The following BCAT1 variants were observed in gnomAD, a reference collection of about 807,000 sequenced individuals.
BCAT1 encodes the protein branched chain amino acid transaminase 1, also known as branched-chain-amino-acid aminotransferase, cytosolic.
Under a neutral mutation model 52.4 loss-of-function variants are expected in BCAT1, and 48 were observed. The ratio of observed to expected loss-of-function variants is 0.92; its 90% confidence interval spans 0.73 to 1.16. BCAT1 has a LOEUF of 1.16. Ranked by LOEUF, BCAT1 falls within the 50% of genes most tolerant of loss-of-function variation. BCAT1 has a pLI of 0.00. For synonymous variants in BCAT1, 167 were observed against 161.3 expected (o/e 1.04, Z -0.27); for missense variants, 451 against 457.1 (o/e 0.99, Z 0.12).
chr12:24,855,726 C>A lies in BCAT1; in HGVS notation c.511-5777G>T, dbSNP rs920783388. Among the ~76,000 whole-genome samples the A allele has an allele frequency of 2.0e-5, 3 of 152,152 alleles. No individual in the cohort carries two copies. The South Asian group carries it at 6.2e-4, about 32-fold the overall frequency. On this transcript the variant is annotated intron_variant, in intron 5 of 10. Coordinates refer to ENST00000261192, the MANE Select transcript of BCAT1 (RefSeq NM_005504.7). ...CTTTCTGAGAAGTCTGGAGGAAGTCCGCCCATGGGCCAGACCTAACATTCC... is the reference window on the plus strand; with the variant it reads ...CTTTCTGAGAAGTCTGGAGGAAGTCAGCCCATGGGCCAGACCTAACATTCC...
intron 1 of BCAT1, among the ~76,000 whole-genome samples, chr12:24,921,950 G>A (rs1399356021): frequency 2.0e-5 from 3 of 152,070 alleles, no homozygotes; most frequent in Admixed American, 1.3e-4. Context: ...GGACTTCGTC[G>A]TTAGATAAGA....
intron 1 of BCAT1, among the ~76,000 whole-genome samples, chr12:24,923,493 C>A (rs1943531797): frequency 1.3e-5 from 2 of 152,186 alleles, no homozygotes; most frequent in Non-Finnish European, 2.9e-5. Context: ...CAGATCACTG[C>A]AACCTCTGCC....
chr12:24,820,829 T>G (rs200512802), intron 10 of BCAT1, among the ~76,000 whole-genome samples: 1 of 147,496 alleles, frequency 6.8e-6, no homozygotes, highest in Admixed American at 6.8e-5. Context: ...TTCATACGGC[T>G]TTGCTAAATG....
At chr12:24,946,878 AAAGC>A (rs1210200644) in intron 1 of BCAT1, among the ~76,000 whole-genome samples, 1 of 152,220 alleles carries the variant, frequency 6.6e-6, no homozygotes, top group East Asian at 1.9e-4. Context: ...AATGAGCTGA[AAAGC>A]AAGAGAAATT....
In BCAT1 at chr12:24,810,036, C is replaced by A. The variant is rs923956280; in HGVS notation, c.*7972G>T. On this transcript the variant is annotated 3_prime_UTR_variant, in exon 11 of 11. Coordinates refer to ENST00000261192, the MANE Select transcript of BCAT1 (RefSeq NM_005504.7). ...AACAGTCAACATGAATCTTCCAACT[C>A]AATTTATTTGTTTCAGCTCACGAAC... 1 of 152,196 alleles carries A rather than the reference C, an allele frequency of 6.6e-6. No individual in the cohort carries two copies. The highest frequency in any genetic ancestry group is 1.5e-5 in the Non-Finnish European group (1 of 68,044). The allele number at this position is 152,196 out of a possible 1,614,324, so 9.4% of individuals were successfully genotyped here.
intron 5 of BCAT1, among the ~76,000 whole-genome samples, chr12:24,866,428 C>T (rs1942012705): frequency 2.0e-5 from 3 of 152,192 alleles, no homozygotes; most frequent in Admixed American, 1.3e-4. Flanking sequence ...CTGACGAGTG[C>T]CACCCCCACT....
At chr12:24,930,542 G>A (rs1390743441) in intron 1 of BCAT1, among the ~76,000 whole-genome samples, 2 of 152,184 alleles carry the variant, frequency 1.3e-5, no homozygotes, top group African/African-American at 2.4e-5. Context: ...CACAAGTCAA[G>A]TGTTCGCAAG....
intron 1 of BCAT1, among the ~76,000 whole-genome samples, chr12:24,943,862 T>C (rs1045448413): frequency 3.3e-5 from 5 of 151,914 alleles, no homozygotes; most frequent in Non-Finnish European, 7.4e-5. Flanking sequence ...CGGGCGCCTG[T>C]AGTCCCAGCT....
intron 3 of BCAT1, among the ~76,000 whole-genome samples, chr12:24,885,033 G>A (rs187302111): frequency 1.3e-5 from 2 of 152,058 alleles, no homozygotes; most frequent in Non-Finnish European, 2.9e-5. Context: ...TGGGAACATC[G>A]CAAATTGCCT....
At chr12:24,902,066 C>G (rs989081574) in intron 1 of BCAT1, 181 bp from the exon 2 acceptor site, 20 of 1,524,140 alleles carry the variant, frequency 1.3e-5, no homozygotes, top group Non-Finnish European at 1.8e-5. Context: ...GTCTTGGGAG[C>G]GCTGCCCTGC....
chr12:24,895,809 T>G (rs1248575834), intron 2 of BCAT1, among the ~76,000 whole-genome samples: 1 of 152,200 alleles, frequency 6.6e-6, no homozygotes, highest in Non-Finnish European at 1.5e-5. Flanking sequence ...TGATATATTA[T>G]GAATGATAGT....
chr12:24,919,602 T>G (rs1170673295), intron 1 of BCAT1, among the ~76,000 whole-genome samples: 3 of 152,236 alleles, frequency 2.0e-5, no homozygotes, highest in African/African-American at 7.2e-5. Context: ...GTTATCAAGC[T>G]TATAGGTAGA....
chr12:24,877,263 C>A lies in BCAT1; in HGVS notation c.510+1267G>T, dbSNP rs116104027. 7.4e-3 allele frequency among the ~76,000 whole-genome samples: 1,127 copies of A among 152,326 alleles called. 10 individuals carry two copies. The highest frequency in any genetic ancestry group is 0.026 in the African/African-American group (1,091 of 41,566). ...TATAGCAAAAGCGCTCTATCTCACA[C>A]TCTCTTATTCTAAATATCTCCATAT... On this transcript the variant is annotated intron_variant, in intron 5 of 10. Transcript: ENST00000261192.
intron 5 of BCAT1, among the ~76,000 whole-genome samples, chr12:24,870,106 G>C (rs992518804): frequency 5.3e-5 from 8 of 152,198 alleles, no homozygotes; most frequent in African/African-American, 1.9e-4. Flanking sequence ...ATGGAAATGA[G>C]AGTGTGAGAG....
At chr12:24,926,303 C>A (rs182430373) in intron 1 of BCAT1, among the ~76,000 whole-genome samples, 1 of 151,990 alleles carries the variant, frequency 6.6e-6, no homozygotes, top group Non-Finnish European at 1.5e-5. Context: ...GTAAAGAGCC[C>A]CTCCGCCCAG....
chr12:24,870,463 C>T (rs1051907092), intron 5 of BCAT1, among the ~76,000 whole-genome samples: 2 of 152,194 alleles, frequency 1.3e-5, no homozygotes, highest in Non-Finnish European at 2.9e-5. Flanking sequence ...TGTTTCCATG[C>T]TAACCATTCC....
chr12:24,860,384 A>G (rs1371050711), intron 5 of BCAT1, among the ~76,000 whole-genome samples: 1 of 151,256 alleles, frequency 6.6e-6, no homozygotes, highest in Non-Finnish European at 1.5e-5. Context: ...CATTTTTCAG[A>G]GTCAAGAAAC....
chr12:24,849,391 C>G (rs1300593176), intron 6 of BCAT1, among the ~76,000 whole-genome samples: 2 of 152,188 alleles, frequency 1.3e-5, no homozygotes, highest in East Asian at 3.8e-4. Context: ...AGCCTGGGTC[C>G]CAGGACCAGA....
At chr12:24,881,574 G>A (rs1250029887) in intron 3 of BCAT1, among the ~76,000 whole-genome samples, 163 bp from the exon 4 acceptor site, 1 of 152,202 alleles carries the variant, frequency 6.6e-6, no homozygotes, top group Non-Finnish European at 1.5e-5. Context: ...CAGTTGACAG[G>A]ACTGGTAAAA....
Sources: allele counts gnomAD v4.1 joint callset (sites outside exome capture counted in the v4.1 genomes callset), GRCh38; gene constraint gnomAD v4.1.1; transcripts MANE v1.5; gene names NCBI Gene and HGNC (gene_info 2026-07-23, HGNC 2026-07-21).